Variants in MBTPS1 observed in about 807,000 individuals in gnomAD.
The protein encoded by MBTPS1 is membrane bound transcription factor peptidase, site 1.
MBTPS1 carries 94 observed loss-of-function variants against 127.8 expected under a neutral mutation model. That is an observed-to-expected ratio of 0.74 (90% CI 0.62 to 0.87). MBTPS1 has a LOEUF of 0.87. MBTPS1 is among the 40% of genes least tolerant of loss of function. The pLI, the probability that MBTPS1 is intolerant of heterozygous loss-of-function variation, is 0.00. For missense variants in MBTPS1, 1,636 were observed against 1,353.2 expected (o/e 1.21, Z -3.28); for synonymous variants, 632 against 509.4 (o/e 1.24, Z -3.24).
At chr16:84,094,614 T>C (rs1048253224) in intron 4 of MBTPS1, among the ~76,000 whole-genome samples, 2 of 152,244 alleles carry the variant, frequency 1.3e-5, no homozygotes, top group East Asian at 3.8e-4. Context: ...ATCAATACTA[T>C]GTTAAATAAT....
chr16:84,084,545 T>C (rs1027808023), intron 10 of MBTPS1, among the ~76,000 whole-genome samples: 1 of 152,192 alleles, frequency 6.6e-6, no homozygotes, highest in Non-Finnish European at 1.5e-5. Flanking sequence ...ATCTTACATA[T>C]ACGCAGTAGG....
chr16:84,085,252 G>C, intron 9 of MBTPS1, 118 bp from the exon 10 acceptor site: 1 of 1,007,674 alleles, frequency 9.9e-7, no homozygotes. Context: ...TATAACCTTA[G>C]GAAGGTACTG....
At chr16:84,107,634 G>A (rs1273756744) in intron 1 of MBTPS1, among the ~76,000 whole-genome samples, 6 of 151,766 alleles carry the variant, frequency 4.0e-5, no homozygotes, top group Non-Finnish European at 8.8e-5. Context: ...GGGGGCAAGA[G>A]ACCAGTAAAT....
intron 19 of MBTPS1, among the ~76,000 whole-genome samples, chr16:84,062,339 A>G (rs2085624984): frequency 6.6e-6 from 1 of 152,118 alleles, no homozygotes; most frequent in African/African-American, 2.4e-5. Context: ...CAGGCTGGTC[A>G]TGAACTCCTG....
intron 8 of MBTPS1, among the ~76,000 whole-genome samples, chr16:84,089,530 G>A (rs1026093100): frequency 2.0e-5 from 3 of 152,286 alleles, no homozygotes; most frequent in African/African-American, 7.2e-5. Flanking sequence ...GTAGAAATAC[G>A]CACAAAAAAG....
chr16:84,060,442 G>C, intron 20 of MBTPS1: 3 of 460,032 alleles, frequency 6.5e-6, no homozygotes, highest in Non-Finnish European at 1.2e-5. Context: ...GTGAGGGTCG[G>C]GGTGCACGTG....
intron 7 of MBTPS1, among the ~76,000 whole-genome samples, chr16:84,091,355 G>A (rs1221543324): frequency 6.6e-6 from 1 of 152,082 alleles, no homozygotes; most frequent in Middle Eastern, 3.4e-3. Context: ...GCATGGTGGT[G>A]TGCACCTGTA....
At chr16:84,075,847 AAAAAAG>A (rs1466169309) in intron 11 of MBTPS1, among the ~76,000 whole-genome samples, 1 of 152,226 alleles carries the variant, frequency 6.6e-6, no homozygotes, top group Non-Finnish European at 1.5e-5. Context: ...AAGTTCACCA[AAAAAAG>A]AAAAAGAAAA....
At position 84,107,972 on chromosome 16, in the gene MBTPS1, T is replaced by C. The variant is rs191129539; in HGVS notation, c.-324-5865A>G. Among the ~76,000 whole-genome samples the C allele has an allele frequency of 1.2e-4, 18 of 148,278 alleles. No individual in the cohort carries two copies. In the East Asian group the frequency reaches 3.5e-3, roughly 29 times the overall value. ...CCTCCTGCCTCAGCCTCTCAGAGTGTTGGGATTATAGGCATGAGCCACTGT... is the reference window on the plus strand; with the variant it reads ...CCTCCTGCCTCAGCCTCTCAGAGTGCTGGGATTATAGGCATGAGCCACTGT... On this transcript the variant is annotated intron_variant, in intron 1 of 22. Coordinates refer to ENST00000343411, the MANE Select transcript of MBTPS1 (RefSeq NM_003791.4).
Position 84,095,620 on chromosome 16 carries a change from A to G in MBTPS1, c.607T>C (p.Trp203Arg), listed in dbSNP as rs2086168101. The change falls in exon 4 of 23, where the codon TGG becomes CGG. Residue 203 changes from tryptophan to arginine, a missense_variant. Physicochemically the swap from Trp to Arg is moderately radical, Grantham distance 101. Coordinates refer to ENST00000343411, the MANE Select transcript of MBTPS1 (RefSeq NM_003791.4). ...CACACACCTGTATATCCCATCTGCC[A>G]GAGCACATCTGCCTGCAGTGTCTGG... Reference protein sequence around the residue: ...VAQTLQADVLWQMGYTGANVR... With the variant: ...VAQTLQADVLRQMGYTGANVR... 1.2e-6 allele frequency: 2 copies of G among 1,614,180 alleles called. No individual in the cohort carries two copies. Among genetic ancestry groups the G allele is most frequent in the East Asian group, 4.5e-5 (2 of 44,888 alleles).
intron 9 of MBTPS1, among the ~76,000 whole-genome samples, chr16:84,085,345 C>A (rs1387791716): frequency 6.6e-6 from 1 of 152,182 alleles, no homozygotes; most frequent in Non-Finnish European, 1.5e-5. Context: ...GGCAGGTGGA[C>A]TGCTTGAGCC....
chr16:84,075,878 C>T (rs1033550329), intron 11 of MBTPS1, among the ~76,000 whole-genome samples: 3 of 152,182 alleles, frequency 2.0e-5, no homozygotes, highest in Non-Finnish European at 4.4e-5. Flanking sequence ...ATAGGTACTA[C>T]CTAGTTTTAA....
intron 2 of MBTPS1, among the ~76,000 whole-genome samples, chr16:84,101,097 G>A (rs962005044): frequency 4.0e-5 from 6 of 151,526 alleles, no homozygotes; most frequent in Non-Finnish European, 7.4e-5. Flanking sequence ...TCAGGAGCTC[G>A]AGACCAGCCT....
intron 9 of MBTPS1, 58 bp downstream of exon 9, chr16:84,087,300 C>T: frequency 7.5e-7 from 1 of 1,335,506 alleles, no homozygotes. Flanking sequence ...ACAACCGGTG[C>T]CACTAGCCAC....
chr16:84,057,040 T>C (rs994648616), intron 21 of MBTPS1: 4 of 152,250 alleles, frequency 2.6e-5, no homozygotes, highest in African/African-American at 9.6e-5. Flanking sequence ...TCTTTCACTT[T>C]GGGCAAGTGA....
chr16:84,090,537 G>A (rs1261425771), intron 8 of MBTPS1, among the ~76,000 whole-genome samples: 1 of 152,172 alleles, frequency 6.6e-6, no homozygotes, highest in Admixed American at 6.5e-5. Context: ...CAACACTGCA[G>A]AATCCCTAAT....
chr16:84,108,740 AG>A (rs1248904285), intron 1 of MBTPS1, among the ~76,000 whole-genome samples: 1 of 152,192 alleles, frequency 6.6e-6, no homozygotes, highest in African/African-American at 2.4e-5. Context: ...GCACCAGGTG[AG>A]GGGGTCAGAG....
chr16:84,070,569 C>G lies in MBTPS1; in HGVS notation c.1782+19G>C, dbSNP rs747574931. ...GTCAAACAGCTAAGAAAACAAGCCA[C>G]TTTCCCGCATATCCCTACCTCTGTC... On this transcript the variant is annotated intron_variant, in intron 13 of 22. Coordinates refer to ENST00000343411, the MANE Select transcript of MBTPS1 (RefSeq NM_003791.4). 1 of 1,608,544 alleles carries G rather than the reference C, an allele frequency of 6.2e-7. No homozygotes were observed. The highest frequency in any genetic ancestry group is 8.5e-7 in the Non-Finnish European group (1 of 1,178,776).
chr16:84,110,254 CT>C, intron 1 of MBTPS1, among the ~76,000 whole-genome samples: 1 of 152,290 alleles, frequency 6.6e-6, no homozygotes, highest in East Asian at 1.9e-4. Context: ...TAAAGGGAAA[CT>C]AAAAGCATAT....
Sources: allele counts gnomAD v4.1 joint callset (sites outside exome capture counted in the v4.1 genomes callset), GRCh38; gene constraint gnomAD v4.1.1; transcripts MANE v1.5; gene names NCBI Gene and HGNC (gene_info 2026-07-23, HGNC 2026-07-21).